The following ZHX3 variants were observed in gnomAD, a reference collection of about 807,000 sequenced individuals.
ZHX3 encodes the protein zinc fingers and homeoboxes protein 3.
In ZHX3, 20 loss-of-function variants were observed where a neutral mutation model predicts 64.5. The observed-to-expected ratio is 0.31, with a 90% confidence interval of 0.22 to 0.45. The LOEUF (loss-of-function observed/expected upper bound fraction) is 0.45, where lower values mean the gene tolerates loss of function less well. Ranked by LOEUF, ZHX3 falls within the 20% of genes least tolerant of loss-of-function variation. The pLI, the probability that ZHX3 is intolerant of heterozygous loss-of-function variation, is 1.00. For synonymous variants in ZHX3, 423 were observed against 461.6 expected (o/e 0.92, Z 1.07); for missense variants, 1,041 against 1,195.8 (o/e 0.87, Z 1.91).
intron 3 of ZHX3, among the ~76,000 whole-genome samples, chr20:41,191,475 T>C (rs1327444471): frequency 6.6e-6 from 1 of 152,222 alleles, no homozygotes; most frequent in Non-Finnish European, 1.5e-5. Context: ...ACTCAATAAT[T>C]TGAATTCTTT....
At position 41,183,836 on chromosome 20, in the gene ZHX3, T is replaced by G. The variant is rs2036330953; in HGVS notation, c.*1355A>C. The G allele has an allele frequency of 6.6e-6, 1 of 152,248 alleles. No individual in the cohort carries two copies. The highest frequency in any genetic ancestry group is 2.4e-5 in the African/African-American group (1 of 41,466). The allele number at this position is 152,248 out of a possible 1,614,324, so 9.4% of individuals were successfully genotyped here. A position where few individuals can be genotyped will look rare whatever the true frequency, so the allele number is the denominator to read the frequency against. On this transcript the variant is annotated 3_prime_UTR_variant, in exon 4 of 4. Coordinates refer to ENST00000683867, the MANE Select transcript of ZHX3 (RefSeq NM_001384317.1). The surrounding 1 kb of genome is among the most constrained non-coding windows in gnomAD (Gnocchi z 5.3). ...GAGGATTTACCATTTAGAACAGCTC[T>G]GTAAGCAAGTTTTCTAATTTTCAAA...
At chr20:41,197,877 A>G (rs527314177) in intron 3 of ZHX3, among the ~76,000 whole-genome samples, 1 of 152,218 alleles carries the variant, frequency 6.6e-6, no homozygotes, top group Admixed American at 6.5e-5. Context: ...ATTAATATAG[A>G]TTTATAATTT....
At position 41,202,988 on chromosome 20, in the gene ZHX3, G is replaced by A. The variant is rs531300412; in HGVS notation, c.1929C>T (p.Asp643=). 93 of 1,614,084 alleles carry A rather than the reference G, an allele frequency of 5.8e-5. 1 individual carries two copies. The South Asian group carries it at 9.9e-4, about 17-fold the overall frequency. The change falls in exon 3 of 4, where the codon GAC becomes GAT. Residue 643 remains aspartate, a synonymous_variant. Transcript: ENST00000683867. The surrounding 1 kb of genome is among the most constrained non-coding windows in gnomAD (Gnocchi z 7.0). ...QNPLPLDEEL[D]RLRSETKMTR... ...TCATTTTGGTTTCACTTCTCAGGCG[G>A]TCCAGTTCCTCATCAAGAGGAAGAG... is the stretch of plus-strand genomic sequence containing the variant.
intron 1 of ZHX3, among the ~76,000 whole-genome samples, chr20:41,293,278 C>A (rs2044340818): frequency 6.6e-6 from 1 of 152,174 alleles, no homozygotes; most frequent in Non-Finnish European, 1.5e-5. Context: ...GCATTTTAAC[C>A]AAATTCCCAG....
At position 41,202,372 on chromosome 20, in the gene ZHX3, G is replaced by A; in HGVS notation, c.2545C>T (p.Leu849Phe). 6.2e-7 allele frequency: 1 copy of A among 1,614,222 alleles called. No individual in the cohort carries two copies. Among genetic ancestry groups the A allele is most frequent in the South Asian group, 1.1e-5 (1 of 91,080 alleles). Residue 849 changes from leucine to phenylalanine, a missense_variant, in exon 3 of 4, where the codon CTC (leucine) becomes TTC (phenylalanine). Transcript: ENST00000683867. The surrounding 1 kb of genome is among the most constrained non-coding windows in gnomAD (Gnocchi z 7.0). ...TGTGTCATGTAATAGTCCTGCAGGA[G>A]CTCCCGGTTGCCAGGGGCAATGACC... ...LLVIAPGNRELLQDYYMTHKM... is the reference protein window; with the variant it reads ...LLVIAPGNREFLQDYYMTHKM...
At chr20:41,237,555 T>G (rs540856252) in intron 2 of ZHX3, among the ~76,000 whole-genome samples, 1 of 152,222 alleles carries the variant, frequency 6.6e-6, no homozygotes, top group South Asian at 2.1e-4. Context: ...TAGGTGGGAA[T>G]TGAACAATGA....
intron 1 of ZHX3, among the ~76,000 whole-genome samples, chr20:41,284,378 T>A (rs16985631): frequency 0.014 from 2,186 of 152,222 alleles, 52 homozygotes; most frequent in African/African-American, 0.049. Flanking sequence ...AAGCTGCCCA[T>A]TAGGTATCTC....
intron 3 of ZHX3, among the ~76,000 whole-genome samples, chr20:41,196,474 T>TAATATATAATATATA (rs2037618694): frequency 2.6e-5 from 1 of 37,934 alleles, no homozygotes; most frequent in African/African-American, 1.3e-4. Flanking sequence ...ATAATATATA[T>TAATATATAATATATA]TTATATATTA....
chr20:41,238,989 TCTC>T (rs1243031708), intron 2 of ZHX3, among the ~76,000 whole-genome samples: 2 of 139,658 alleles, frequency 1.4e-5, no homozygotes, highest in African/African-American at 2.7e-5. Context: ...CTATTTTCTC[TCTC>T]TTTTTTTTTT....
At chr20:41,264,862 CATTT>C (rs527366016) in intron 2 of ZHX3, among the ~76,000 whole-genome samples, 1 of 152,030 alleles carries the variant, frequency 6.6e-6, no homozygotes, top group Non-Finnish European at 1.5e-5. Context: ...TAAAAACATT[CATTT>C]GTTAAAATCT....
rs1357716871 is a variant in ZHX3, at chr20:41,203,342, T to C, written c.1575A>G (p.Glu525=). The change falls in exon 3 of 4, where the codon GAA becomes GAG. Residue 525 remains glutamate, a synonymous_variant. Transcript: ENST00000683867. The surrounding 1 kb of genome is among the most constrained non-coding windows in gnomAD (Gnocchi z 7.1). ...RNQFPGQSEV[E]HLTKVTGLST... The stretch of plus-strand genomic sequence containing the variant: ...TGAGGCCCGTCACTTTTGTGAGATG[T>C]TCAACTTCGCTCTGCCCTGGGAACT... The C allele has an allele frequency of 6.2e-7, 1 of 1,614,214 alleles. No homozygotes were observed. Among genetic ancestry groups the C allele is most frequent in the Non-Finnish European group, 8.5e-7 (1 of 1,180,024 alleles).
At chr20:41,260,543 A>G (rs6093460) in intron 2 of ZHX3, among the ~76,000 whole-genome samples, 3,713 of 152,284 alleles carry the variant, frequency 0.024, 142 homozygotes, top group African/African-American at 0.084. Context: ...ATACAACCCA[A>G]TTCCCAAGAT....
chr20:41,204,225 G>A lies in ZHX3; in HGVS notation c.692C>T (p.Ser231Phe). 6.2e-7 allele frequency: 1 copy of A among 1,613,500 alleles called. No homozygotes were observed. Among genetic ancestry groups the A allele is most frequent in the East Asian group, 2.2e-5 (1 of 44,868 alleles). The change falls in exon 3 of 4, where the codon TCC becomes TTC. Residue 231 changes from serine to phenylalanine, a missense_variant. Coordinates refer to ENST00000683867, the MANE Select transcript of ZHX3 (RefSeq NM_001384317.1). This position sits in a 1 kb window ranked among gnomAD's most constrained non-coding sequence, Gnocchi z 6.6. The part of the protein sequence containing the change: ...GEMEVREGDH[S>F]FINGAVPVSQ... ...GACTGGAACTGCCCCATTGATGAAG[G>A]AATGGTCCCCCTCTCTCACCTCCAT... is the stretch of plus-strand genomic sequence containing the variant.
intron 2 of ZHX3, among the ~76,000 whole-genome samples, chr20:41,210,425 T>C (rs1385103903): frequency 6.6e-6 from 1 of 152,178 alleles, no homozygotes. Flanking sequence ...CTATTCACAA[T>C]AGCAAAGACT....
intron 2 of ZHX3, among the ~76,000 whole-genome samples, chr20:41,255,088 A>G (rs2042174563): frequency 1.3e-5 from 2 of 152,150 alleles, no homozygotes; most frequent in South Asian, 4.1e-4. Context: ...GTTTAATAAA[A>G]GGTAGGTCAG....
intron 2 of ZHX3, among the ~76,000 whole-genome samples, chr20:41,210,420 C>T (rs1419750008): frequency 4.6e-5 from 7 of 152,298 alleles, no homozygotes; most frequent in African/African-American, 1.7e-4. Flanking sequence ...CGGCACTATT[C>T]ACAATAGCAA....
intron 1 of ZHX3, among the ~76,000 whole-genome samples, chr20:41,313,796 C>G (rs1176605549): frequency 2.0e-5 from 3 of 152,118 alleles, no homozygotes; most frequent in Non-Finnish European, 4.4e-5. Flanking sequence ...CGGGGTTTCA[C>G]CGTGTTAGCC....
At chr20:41,291,677 TAC>T (rs771110936) in intron 1 of ZHX3, among the ~76,000 whole-genome samples, 2 of 152,030 alleles carry the variant, frequency 1.3e-5, no homozygotes, top group African/African-American at 4.8e-5. Context: ...TGCATATGTA[TAC>T]ACACACAGAT....
Position 41,180,075 on chromosome 20 carries a change from TGAAG to T in ZHX3, c.*5112_*5115del, listed in dbSNP as rs1260457206. On this transcript the variant is annotated 3_prime_UTR_variant, in exon 4 of 4. Coordinates refer to ENST00000683867, the MANE Select transcript of ZHX3 (RefSeq NM_001384317.1). ...GAACACACGTTTCAAGCCAGTCTCCTGAAGGAAGAGGCACTAATGGCAGGTAAAT... is the reference window on the plus strand; with the variant it reads ...GAACACACGTTTCAAGCCAGTCTCCTGAAGAGGCACTAATGGCAGGTAAAT... The T allele has an allele frequency of 6.5e-6, 1 of 152,734 alleles. No homozygotes were observed. Among genetic ancestry groups the T allele is most frequent in the Non-Finnish European group, 1.5e-5 (1 of 68,070 alleles). 9.5% of individuals were successfully genotyped at this position (152,734 alleles called of 1,614,324 possible). A position where few individuals can be genotyped will look rare whatever the true frequency, so the allele number is the denominator to read the frequency against.
Sources: allele counts gnomAD v4.1 joint callset (sites outside exome capture counted in the v4.1 genomes callset), GRCh38; gene constraint gnomAD v4.1.1; non-coding constraint Gnocchi (gnomAD v3.1); transcripts MANE v1.5; gene names NCBI Gene and HGNC (gene_info 2026-07-23, HGNC 2026-07-21).